CCDC66: variants seen among roughly 807,000 people sequenced by gnomAD.
CCDC66 encodes coiled-coil domain-containing protein 66.
In CCDC66, 133 loss-of-function variants were observed where a neutral mutation model predicts 128.3. The ratio of observed to expected loss-of-function variants is 1.04; its 90% CI spans 0.90 to 1.20. The LOEUF (loss-of-function observed/expected upper bound fraction) is 1.20, where lower values mean the gene tolerates loss of function less well. CCDC66 is among the 50% of genes most tolerant of loss of function. The pLI, the probability that CCDC66 is intolerant of heterozygous loss-of-function variation, is 0.00. For synonymous variants in CCDC66, 387 were observed against 357.0 expected (o/e 1.08, Z -0.95); for missense variants, 1,126 against 1,075.5 (o/e 1.05, Z -0.66).
rs140838811 is a variant in CCDC66, at chr3:56,615,137, A to T, written c.1576A>T (p.Thr526Ser). Residue 526 changes from threonine to serine, a missense_variant, in exon 12 of 18, where the codon ACT becomes TCT. Thr to Ser is a moderately conservative substitution (Grantham distance 58). Coordinates refer to ENST00000394672, the MANE Select transcript of CCDC66 (RefSeq NM_001141947.3). ...LKQKQKEEIM[T>S]LKTNELFQTM... ...ACATCAATATTGACAGGAAATCATG[A>T]CTCTCAAGACAAATGAGCTATTCCA... 1 of 1,613,236 alleles carries T rather than the reference A, an allele frequency of 6.2e-7. No homozygotes were observed. The highest frequency in any genetic ancestry group is 2.2e-5 in the East Asian group (1 of 44,866).
intron 17 of CCDC66, chr3:56,620,353 A>T (rs527583649): frequency 1.3e-5 from 2 of 153,096 alleles, no homozygotes; most frequent in African/African-American, 4.8e-5. Flanking sequence ...AACCTTACTC[A>T]CCATACTACT....
chr3:56,574,554 C>T (rs1180873875), intron 7 of CCDC66, among the ~76,000 whole-genome samples: 1 of 151,720 alleles, frequency 6.6e-6, no homozygotes, highest in Non-Finnish European at 1.5e-5. Context: ...TAGTTAGTCT[C>T]TCCATATAAT....
At chr3:56,577,344 T>C (rs1049616666) in intron 7 of CCDC66, among the ~76,000 whole-genome samples, 1 of 151,962 alleles carries the variant, frequency 6.6e-6, no homozygotes, top group South Asian at 2.1e-4. Context: ...ATGAGTAGAT[T>C]GCAAAATTTT....
intron 12 of CCDC66, 144 bp downstream of exon 12, chr3:56,615,416 A>AT (rs1228174376): frequency 2.7e-6 from 2 of 747,528 alleles, no homozygotes; most frequent in East Asian, 6.1e-5. Flanking sequence ...CTGCAACCTC[A>AT]TATTTTTTGT....
chr3:56,617,738 G>C, intron 14 of CCDC66, 133 bp downstream of exon 14: 1 of 1,065,212 alleles, frequency 9.4e-7, no homozygotes, highest in Non-Finnish European at 1.3e-6. Flanking sequence ...ATATCCCATG[G>C]GCAAATCCAG....
intron 7 of CCDC66, among the ~76,000 whole-genome samples, chr3:56,581,996 A>G (rs1225141145): frequency 1.3e-5 from 2 of 151,882 alleles, no homozygotes; most frequent in Non-Finnish European, 2.9e-5. Flanking sequence ...TTGTTCAGCT[A>G]TGCCCTGCCC....
At chr3:56,572,429 G>GT in intron 7 of CCDC66, 2 of 1,280,028 alleles carry the variant, frequency 1.6e-6, no homozygotes, top group Non-Finnish European at 2.0e-6. Context: ...GACTTTAGAG[G>GT]TAAGTCCTAA....
chr3:56,609,716 C>A (rs1189381800), intron 10 of CCDC66, among the ~76,000 whole-genome samples: 1 of 152,098 alleles, frequency 6.6e-6, no homozygotes, highest in African/African-American at 2.4e-5. Context: ...TAAAGAGATT[C>A]TGTTTTGATG....
At chr3:56,596,834 C>G (rs75296869) in intron 10 of CCDC66, among the ~76,000 whole-genome samples, 1 of 149,420 alleles carries the variant, frequency 6.7e-6, no homozygotes, top group Non-Finnish European at 1.5e-5. Context: ...AGCTCACTGC[C>G]GCCTCCACCT....
chr3:56,618,335 TC>T, intron 15 of CCDC66, 123 bp downstream of exon 15: 1 of 887,774 alleles, frequency 1.1e-6, no homozygotes. Flanking sequence ...GGGTGTGGCT[TC>T]CAGGTGAGGG....
chr3:56,604,662 A>C (rs902792974), intron 10 of CCDC66, among the ~76,000 whole-genome samples: 2 of 151,640 alleles, frequency 1.3e-5, no homozygotes, highest in African/African-American at 2.4e-5. Context: ...TGTTAGTCTG[A>C]TGGGCTTCCC....
intron 6 of CCDC66, among the ~76,000 whole-genome samples, chr3:56,569,107 A>G (rs764391273): frequency 1.3e-5 from 2 of 152,166 alleles, no homozygotes; most frequent in African/African-American, 2.4e-5. Flanking sequence ...GAAGGCCAAG[A>G]TGGGAGGATT....
At chr3:56,614,265 G>A (rs1030969733) in intron 11 of CCDC66, among the ~76,000 whole-genome samples, 6 of 152,150 alleles carry the variant, frequency 3.9e-5, no homozygotes, top group Non-Finnish European at 7.4e-5. Flanking sequence ...TTCTGTTGAG[G>A]AGGTCAAGAT....
chr3:56,590,100 G>A (rs1365575049), intron 7 of CCDC66, among the ~76,000 whole-genome samples: 1 of 152,112 alleles, frequency 6.6e-6, no homozygotes, highest in Non-Finnish European at 1.5e-5. Context: ...TACCTTTTCT[G>A]CGTGGCCAGT....
At chr3:56,612,241 G>T (rs1218515751) in intron 10 of CCDC66, among the ~76,000 whole-genome samples, 1 of 152,188 alleles carries the variant, frequency 6.6e-6, no homozygotes, top group Non-Finnish European at 1.5e-5. Flanking sequence ...TTGATTCTGG[G>T]TATGTGCAGT....
chr3:56,593,951 C>A lies in CCDC66; in HGVS notation c.1327C>A (p.Arg443Ser), dbSNP rs371375228. 3.1e-6 allele frequency: 5 copies of A among 1,614,100 alleles called. No homozygotes were observed. The highest frequency in any genetic ancestry group is 4.2e-6 in the Non-Finnish European group (5 of 1,180,004). The change falls in exon 10 of 18, where the codon CGT (arginine) becomes AGT (serine). Residue 443 changes from arginine to serine, a missense_variant. Physicochemically the swap from Arg to Ser is moderately radical, Grantham distance 110. Transcript: ENST00000394672. ...ATGTATGTATCTTGCCAGCTTTCTC[C>A]GTTCTATGACTGCTCTCTTGGACCC... ...MANSKKTNFL[R>S]SMTALLDPAQ...
chr3:56,582,106 C>T (rs567242004), intron 7 of CCDC66, among the ~76,000 whole-genome samples: 1 of 152,040 alleles, frequency 6.6e-6, no homozygotes, highest in Non-Finnish European at 1.5e-5. Context: ...ACTCAAGCCT[C>T]AGCAATAGGG....
chr3:56,598,501 G>A (rs1012867522), intron 10 of CCDC66, among the ~76,000 whole-genome samples: 9 of 151,832 alleles, frequency 5.9e-5, no homozygotes, highest in African/African-American at 2.2e-4. Flanking sequence ...TTAGCTCTTA[G>A]GGGAAAGGCT....
At chr3:56,603,197 TA>T (rs2073509573) in intron 10 of CCDC66, among the ~76,000 whole-genome samples, 1 of 151,578 alleles carries the variant, frequency 6.6e-6, no homozygotes, top group African/African-American at 2.4e-5. Flanking sequence ...TTAGTCTGGC[TA>T]GTGGTCTGTC....
Sources: allele counts gnomAD v4.1 joint callset (sites outside exome capture counted in the v4.1 genomes callset), GRCh38; gene constraint gnomAD v4.1.1; transcripts MANE v1.5; gene names NCBI Gene and HGNC (gene_info 2026-07-23, HGNC 2026-07-21).